The following PRICKLE2 variants were observed in gnomAD, a reference collection of about 807,000 sequenced individuals.
The protein encoded by PRICKLE2 is prickle planar cell polarity protein 2, also known as prickle-like protein 2.
PRICKLE2 carries 21 observed loss-of-function variants against 81.4 expected under a neutral mutation model. That is an observed-to-expected ratio of 0.26 (90% confidence interval 0.18 to 0.37). The LOEUF is 0.37. Ranked by LOEUF, PRICKLE2 falls within the 10% of genes least tolerant of loss-of-function variation. The pLI, the probability that PRICKLE2 is intolerant of heterozygous loss-of-function variation, is 1.00. For synonymous variants in PRICKLE2, 456 were observed against 421.5 expected, an observed-to-expected ratio of 1.08 and a Z score of -1.00; for missense variants, 940 against 1,109.0, an observed-to-expected ratio of 0.85 and a Z score of 2.16.
At chr3:64,107,957 T>C (rs1353781219) in intron 7 of PRICKLE2, among the ~76,000 whole-genome samples, 1 of 152,268 alleles carries the variant, frequency 6.6e-6, no homozygotes, top group African/African-American at 2.4e-5. Flanking sequence ...ATTTTTATTT[T>C]CTTTTTTGCT....
intron 2 of PRICKLE2, among the ~76,000 whole-genome samples, chr3:64,241,992 G>A (rs142889783): frequency 5.3e-5 from 8 of 152,270 alleles, no homozygotes; most frequent in Non-Finnish European, 7.4e-5. Flanking sequence ...ATGAGAGATC[G>A]TGGAGGAGAA....
chr3:64,113,611 T>A (rs1340502698), intron 7 of PRICKLE2, among the ~76,000 whole-genome samples: 2 of 152,168 alleles, frequency 1.3e-5, no homozygotes, highest in South Asian at 4.1e-4. Context: ...TAGGTTTTGC[T>A]TTCCTTGCCC....
intron 2 of PRICKLE2, among the ~76,000 whole-genome samples, chr3:64,231,418 C>G (rs2079099108): frequency 6.6e-6 from 1 of 152,084 alleles, no homozygotes; most frequent in African/African-American, 2.4e-5. Context: ...GTTTTGGGAA[C>G]TACTAATTTT....
At chr3:64,172,379 A>C (rs1195635601) in intron 2 of PRICKLE2, among the ~76,000 whole-genome samples, 2 of 152,242 alleles carry the variant, frequency 1.3e-5, no homozygotes, top group African/African-American at 4.8e-5. Context: ...CACATACATA[A>C]GTATGAAAAA....
chr3:64,246,166 T>C lies in PRICKLE2; in HGVS notation c.129-47199A>G, dbSNP rs190507964. Among the ~76,000 whole-genome samples, 282 of 152,196 alleles carry C rather than the reference T, an allele frequency of 1.9e-3. 2 individuals are homozygous for C. The highest frequency in any genetic ancestry group is 6.4e-3 in the African/African-American group (267 of 41,520). On this transcript the variant is annotated intron_variant, in intron 2 of 8. Transcript: ENST00000295902. ...CTGAGGCAAGAGAATTGCTTGAACC[T>C]GGGAGGCAGAGGTTGCAGTGAGCTG...
At chr3:64,234,454 C>T (rs561301390) in intron 2 of PRICKLE2, among the ~76,000 whole-genome samples, 57 of 152,138 alleles carry the variant, frequency 3.7e-4, no homozygotes, top group African/African-American at 1.3e-3. Context: ...TATTTGCATA[C>T]CTTCTTTGGA....
chr3:64,257,250 C>T (rs938029643), intron 2 of PRICKLE2, among the ~76,000 whole-genome samples: 3 of 152,210 alleles, frequency 2.0e-5, no homozygotes, highest in Non-Finnish European at 4.4e-5. Flanking sequence ...TGCCAAGCTT[C>T]TGGCTCATGT....
intron 7 of PRICKLE2, among the ~76,000 whole-genome samples, chr3:64,106,740 T>G (rs139562548): frequency 6.6e-6 from 1 of 152,288 alleles, no homozygotes; most frequent in Non-Finnish European, 1.5e-5. Context: ...TTTCTTTTCT[T>G]GTTGTTTAAG....
chr3:64,166,733 C>A (rs1447695061), intron 2 of PRICKLE2, among the ~76,000 whole-genome samples: 1 of 152,174 alleles, frequency 6.6e-6, no homozygotes, highest in Non-Finnish European at 1.5e-5. Context: ...TATTAATTAA[C>A]AACCTACCAA....
Position 64,156,760 on chromosome 3 carries a change from T to C in PRICKLE2, c.600+402A>G, listed in dbSNP as rs945220077. 3.3e-5 allele frequency among the ~76,000 whole-genome samples: 5 copies of C among 152,342 alleles called. No individual in the cohort carries two copies. The East Asian group carries it at 7.7e-4, about 23-fold the overall frequency. On this transcript the variant is annotated intron_variant, in intron 5 of 7. Transcript: ENST00000638394. ...TCTAATCATTTTGCAGCAGTGAATC[T>C]TGGAAAATGAAACAATTTTAAGATA...
In PRICKLE2 at chr3:64,249,870, A is replaced by G. The variant is rs771475804; in HGVS notation, c.129-50903T>C. ...CCTTGCACACAATATGTTTTTTACT[A>G]GAGAGCATGCATTGTGTAGCATATC... is the stretch of plus-strand genomic sequence containing the variant. On this transcript the variant is annotated intron_variant, in intron 2 of 8. Coordinates refer to the PRICKLE2 transcript ENST00000295902. Among the ~76,000 whole-genome samples the G allele has an allele frequency of 3.0e-4, 46 of 152,224 alleles. 2 individuals are homozygous for G. The highest frequency in any genetic ancestry group is 1.3e-4 in the Admixed American group (2 of 15,286).
In PRICKLE2 at chr3:64,099,704, T is replaced by C. The variant is rs371812341; in HGVS notation, c.1882A>G (p.Ile628Val). ...TGGGACTGCAGGTCTCTGTAGCCAA[T>C]GGGGTTGCTGAGCTGGTGGAGGTTT... ...EGNLHQLSNP[I>V]GYRDLQSHGR... Residue 628 changes from isoleucine to valine, a missense_variant, in exon 8 of 8, where the codon ATT becomes GTT. Coordinates refer to ENST00000638394, the MANE Select transcript of PRICKLE2 (RefSeq NM_198859.4). The surrounding 1 kb of genome is among the most constrained non-coding windows in gnomAD (Gnocchi z 4.3). 2 of 1,614,038 alleles carry C rather than the reference T, an allele frequency of 1.2e-6. No homozygotes were observed. Among genetic ancestry groups the C allele is most frequent in the Non-Finnish European group, 1.7e-6 (2 of 1,180,032 alleles).
At chr3:64,154,002 A>G (rs1358320452) in intron 5 of PRICKLE2, 1 of 154,380 alleles carries the variant, frequency 6.5e-6, no homozygotes, top group African/African-American at 2.4e-5. Context: ...TTCAAAGCAC[A>G]GATTTCAAAA....
intron 7 of PRICKLE2, among the ~76,000 whole-genome samples, chr3:64,125,292 C>T (rs950343846): frequency 6.6e-6 from 1 of 152,146 alleles, no homozygotes; most frequent in African/African-American, 2.4e-5. Context: ...ATGCTACGAA[C>T]ATTGTTGAAA....
At chr3:64,162,520 A>G (rs1473461676) in intron 3 of PRICKLE2, among the ~76,000 whole-genome samples, 4 of 152,192 alleles carry the variant, frequency 2.6e-5, no homozygotes, top group East Asian at 3.9e-4. Flanking sequence ...CCATGACAAA[A>G]ACACAGACGT....
At chr3:64,211,999 GC>G (rs921917701) in intron 1 of PRICKLE2, among the ~76,000 whole-genome samples, 7 of 152,140 alleles carry the variant, frequency 4.6e-5, no homozygotes, top group Non-Finnish European at 8.8e-5. Context: ...TATTTTAAAA[GC>G]GTTCACAAGC....
At chr3:64,153,579 T>C (rs750108445) in intron 5 of PRICKLE2, 5 of 565,502 alleles carry the variant, frequency 8.8e-6, no homozygotes, top group Non-Finnish European at 1.6e-5. Context: ...ACATGATTTC[T>C]GGCCTAGCCA....
At chr3:64,124,047 T>A (rs1393078415) in intron 7 of PRICKLE2, among the ~76,000 whole-genome samples, 1 of 152,142 alleles carries the variant, frequency 6.6e-6, no homozygotes, top group African/African-American at 2.4e-5. Flanking sequence ...AAATTGTGAA[T>A]GCAAATAAAA....
chr3:64,199,344 T>C (rs1329596430), intron 1 of PRICKLE2: 3 of 310,092 alleles, frequency 9.7e-6, no homozygotes, highest in Non-Finnish European at 1.2e-5. Context: ...TAAATATACA[T>C]AATACATATG....
Sources: gnomAD v4.1 joint callset for allele counts (sites outside exome capture counted in the v4.1 genomes callset) on GRCh38, gnomAD v4.1.1 for gene constraint, Gnocchi (gnomAD v3.1) non-coding constraint, MANE v1.5 for transcripts, NCBI Gene and HGNC (gene_info 2026-07-23, HGNC 2026-07-21) for gene names.